The following NRG2 variants were observed in gnomAD, a reference collection of about 807,000 sequenced individuals.
NRG2 encodes the protein pro-neuregulin-2, membrane-bound isoform.
NRG2 carries 27 observed loss-of-function variants against 73.9 expected under a neutral mutation model. That is an observed-to-expected ratio of 0.37 (90% CI 0.27 to 0.50). The LOEUF (loss-of-function observed/expected upper bound fraction) is 0.50, where lower values mean the gene tolerates loss of function less well. NRG2 is among the 20% of genes least tolerant of loss of function. The pLI, the probability that NRG2 is intolerant of heterozygous loss-of-function variation, is 0.96. For synonymous variants in NRG2, 532 were observed against 541.0 expected (o/e 0.98, Z 0.23); for missense variants, 1,126 against 1,210.1 (o/e 0.93, Z 1.03).
Position 139,852,999 on chromosome 5 carries a change from G to A in NRG2, c.1321C>T (p.Leu441Phe), listed in dbSNP as rs1409336458. The change falls in exon 7 of 10, where the codon CTC becomes TTC. Residue 441 changes from leucine (L) to phenylalanine (F), a missense_variant. This residue lies in a region of NRG2 where 539 missense variants were observed against 703.2 expected (regional missense o/e 0.77). Coordinates refer to ENST00000361474, the MANE Select transcript of NRG2 (RefSeq NM_004883.3). The surrounding 1 kb of genome is among the most constrained non-coding windows in gnomAD (Gnocchi z 4.4). ...TGGGCCGGGCACATGTTCTGCCGGA[G>A]GTGGTTGTGCATCTGCTTCCGCTGT... The part of the protein sequence containing the change: ...KKQRKQMHNH[L>F]RQNMCPAHQN... The A allele has an allele frequency of 2.5e-6, 4 of 1,613,382 alleles. No homozygotes were observed. The highest frequency in any genetic ancestry group is 1.3e-5 in the African/African-American group (1 of 74,856).
intron 1 of NRG2, among the ~76,000 whole-genome samples, chr5:139,937,716 C>G (rs545639574): frequency 3.5e-4 from 54 of 152,150 alleles, no homozygotes; most frequent in African/African-American, 1.2e-3. Flanking sequence ...TATGACATAA[C>G]TGAAATGTAA....
At chr5:139,946,947 A>G (rs1313279273) in intron 1 of NRG2, among the ~76,000 whole-genome samples, 1 of 152,114 alleles carries the variant, frequency 6.6e-6, no homozygotes, top group Non-Finnish European at 1.5e-5. Context: ...TCGTTAGGGA[A>G]ACACAAGTCA....
At chr5:139,906,558 T>G (rs1765244934) in intron 1 of NRG2, among the ~76,000 whole-genome samples, 1 of 152,192 alleles carries the variant, frequency 6.6e-6, no homozygotes, top group South Asian at 2.1e-4. Context: ...GCCTACCTGA[T>G]CTCTGTATTC....
In NRG2 at chr5:139,900,230, G is replaced by A. The variant is rs145556702; in HGVS notation, c.701-12719C>T. On this transcript the variant is annotated intron_variant, in intron 1 of 9. Transcript: ENST00000361474. ...CACATTTATCTCTGGTCTTACCCTCGGTTCTGATCATAGGTAGTTGTATAA... is the reference window on the plus strand; with the variant it reads ...CACATTTATCTCTGGTCTTACCCTCAGTTCTGATCATAGGTAGTTGTATAA... Among the ~76,000 whole-genome samples, 68 of 152,232 alleles carry A rather than the reference G, an allele frequency of 4.5e-4. 1 individual carries two copies. In the East Asian group the frequency reaches 0.012, roughly 26 times the overall value.
Position 139,852,966 on chromosome 5 carries a change from G to A in NRG2, c.1354C>T (p.Arg452Trp), listed in dbSNP as rs376910176. ...TGGCTGGGCCCATTGGCCAAGCTCC[G>A]GTTCTGATGGGCCGGGCACATGTTC... ...RQNMCPAHQN[R>W]SLANGPSHPR... Residue 452 changes from arginine (R) to tryptophan (W), a missense_variant, in exon 7 of 10, where the codon CGG (arginine) becomes TGG (tryptophan). Around this residue, in one of 3 missense-constraint regions of NRG2, gnomAD observed 539 missense variants for 703.2 expected, o/e 0.77. Coordinates refer to ENST00000361474, the MANE Select transcript of NRG2 (RefSeq NM_004883.3). This position sits in a 1 kb window ranked among gnomAD's most constrained non-coding sequence, Gnocchi z 4.4. The A allele has an allele frequency of 1.1e-5, 17 of 1,612,888 alleles. No individual in the cohort carries two copies. The highest frequency in any genetic ancestry group is 2.2e-5 in the East Asian group (1 of 44,844).
At chr5:140,020,948 C>A (rs1229022368) in intron 1 of NRG2, among the ~76,000 whole-genome samples, 3 of 152,128 alleles carry the variant, frequency 2.0e-5, no homozygotes, top group African/African-American at 7.2e-5. Context: ...AATACTCTAT[C>A]CCGTGTCTCA....
intron 1 of NRG2, among the ~76,000 whole-genome samples, chr5:140,003,953 C>A (rs1758693721): frequency 6.6e-6 from 1 of 152,154 alleles, no homozygotes; most frequent in African/African-American, 2.4e-5. Flanking sequence ...AGCTACTTGC[C>A]CAAGCCACCA....
At chr5:139,871,220 A>C (rs954350689) in intron 4 of NRG2, 2 of 160,104 alleles carry the variant, frequency 1.2e-5, no homozygotes, top group African/African-American at 4.8e-5. Flanking sequence ...TCTCCCCTCA[A>C]GACTACAGGA....
chr5:139,863,608 C>G (rs1156686471), intron 5 of NRG2, among the ~76,000 whole-genome samples: 1 of 152,242 alleles, frequency 6.6e-6, no homozygotes, highest in Non-Finnish European at 1.5e-5. Context: ...CCGGGAGGCT[C>G]TCTGCCGAGA....
chr5:139,848,666 G>T lies in NRG2; in HGVS notation c.1804C>A (p.Leu602Ile). ...YVSALTTPARLSPVDFHYSLA... is the reference protein window; with the variant it reads ...YVSALTTPARISPVDFHYSLA... ...GAGTAGTGGAAGTCCACGGGCGAGA[G>T]GCGCGCGGGCGTGGTCAGGGCCGAC... The change falls in exon 10 of 10, where the codon CTC becomes ATC. Residue 602 changes from leucine (L) to isoleucine (I), a missense_variant. By Grantham distance (5) the Leu-to-Ile change is conservative (BLOSUM62 2). This residue lies in a region of NRG2 where 539 missense variants were observed against 703.2 expected (regional missense o/e 0.77). Transcript: ENST00000361474. The T allele has an allele frequency of 6.4e-7, 1 of 1,565,540 alleles. No homozygotes were observed. Among genetic ancestry groups the T allele is most frequent in the Non-Finnish European group, 8.6e-7 (1 of 1,165,220 alleles).
intron 1 of NRG2, among the ~76,000 whole-genome samples, chr5:139,921,056 C>T (rs1396738772): frequency 1.3e-5 from 2 of 152,050 alleles, no homozygotes; most frequent in African/African-American, 2.4e-5. Flanking sequence ...TATACAAGAT[C>T]TATATTAGGA....
At chr5:139,997,987 G>C (rs1758148825) in intron 1 of NRG2, among the ~76,000 whole-genome samples, 2 of 152,216 alleles carry the variant, frequency 1.3e-5, no homozygotes, top group South Asian at 4.1e-4. Flanking sequence ...TCAGAGGAGT[G>C]GGGTACGTGG....
At position 139,868,247 on chromosome 5, in the gene NRG2, T is replaced by C. The variant is rs1762616129; in HGVS notation, c.1113-2622A>G. On this transcript the variant is annotated intron_variant, in intron 4 of 9. Coordinates refer to ENST00000361474, the MANE Select transcript of NRG2 (RefSeq NM_004883.3). The surrounding 1 kb of genome is among the most constrained non-coding windows in gnomAD (Gnocchi z 4.2). ...TCCTGTTTGCTGAGGATGAGTCACA[T>C]TCAGGAGACTGGGGCTTCCCTAGAG... Among the ~76,000 whole-genome samples, 1 of 152,112 alleles carries C rather than the reference T, an allele frequency of 6.6e-6. No homozygotes were observed. Among genetic ancestry groups the C allele is most frequent in the Non-Finnish European group, 1.5e-5 (1 of 68,006 alleles).
intron 1 of NRG2, among the ~76,000 whole-genome samples, chr5:139,929,844 T>C (rs2126365394): frequency 6.6e-6 from 1 of 152,312 alleles, no homozygotes; most frequent in East Asian, 1.9e-4. Context: ...GGCTGCTGTG[T>C]CACTTTGTCA....
In NRG2 at chr5:139,979,439, G is replaced by A. The variant is rs115829755; in HGVS notation, c.700+62931C>T. On this transcript the variant is annotated intron_variant, in intron 1 of 9. Transcript: ENST00000361474. ...TGAGGCCAAAATGAGAGACGTGGTC[G>A]GCAGCCTCTAGGTCAGCCTCCCGAA... Among the ~76,000 whole-genome samples the A allele has an allele frequency of 5.7e-3, 871 of 152,230 alleles. 10 individuals are homozygous for A. The highest frequency in any genetic ancestry group is 0.02 in the African/African-American group (833 of 41,518).
intron 1 of NRG2, among the ~76,000 whole-genome samples, chr5:139,895,064 G>T (rs902028763): frequency 2.6e-5 from 4 of 152,212 alleles, no homozygotes; most frequent in Non-Finnish European, 5.9e-5. Context: ...CAACAGAAAT[G>T]ATTCCTGCCT....
chr5:139,902,702 T>C (rs971499435), intron 1 of NRG2, among the ~76,000 whole-genome samples: 2 of 151,914 alleles, frequency 1.3e-5, no homozygotes, highest in Non-Finnish European at 2.9e-5. Context: ...AGGATGTGTA[T>C]GTAGGGGGAA....
intron 1 of NRG2, among the ~76,000 whole-genome samples, chr5:139,992,604 A>G (rs1421865949): frequency 6.6e-6 from 1 of 152,222 alleles, no homozygotes; most frequent in Non-Finnish European, 1.5e-5. Flanking sequence ...AGTTGGTTAG[A>G]AGTTCCCCTT....
At chr5:140,004,221 T>A (rs1436102554) in intron 1 of NRG2, among the ~76,000 whole-genome samples, 2 of 152,184 alleles carry the variant, frequency 1.3e-5, no homozygotes, top group African/African-American at 4.8e-5. Context: ...GAATGATATG[T>A]CTTATTAAGA....
Sources: gnomAD v4.1 joint callset for allele counts (sites outside exome capture counted in the v4.1 genomes callset) on GRCh38, gnomAD v4.1.1 for gene constraint, gnomAD v4.1.1 regional missense constraint, Gnocchi (gnomAD v3.1) non-coding constraint, MANE v1.5 for transcripts, NCBI Gene and HGNC (gene_info 2026-07-23, HGNC 2026-07-21) for gene names.